The following PRKN variants were observed in gnomAD, a reference collection of about 807,000 sequenced individuals.
PRKN encodes the protein parkin RBR E3 ubiquitin protein ligase, also known as E3 ubiquitin-protein ligase parkin.
PRKN carries 56 observed loss-of-function variants against 59.5 expected under a neutral mutation model. The observed-to-expected ratio is 0.94, with a 90% confidence interval of 0.76 to 1.18. The LOEUF (loss-of-function observed/expected upper bound fraction) is 1.18. Among genes scored for constraint, PRKN ranks in the 50% most tolerant of loss-of-function variants. The pLI is 0.00. For synonymous variants in PRKN, 250 were observed against 222.1 expected, an observed-to-expected ratio of 1.13 and a Z score of -1.12; for missense variants, 657 against 596.4, an observed-to-expected ratio of 1.10 and a Z score of -1.06.
chr6:162,137,786 C>CCGATGGCTT lies in PRKN; in HGVS notation c.534+63336_534+63344dup, dbSNP rs1781609480. Among the ~76,000 whole-genome samples, 17 of 152,286 alleles carry CCGATGGCTT rather than the reference C, an allele frequency of 1.1e-4. No homozygotes were observed. The South Asian group carries it at 3.5e-3, about 32-fold the overall frequency. ...TGAATCCACTCATGAGGGCAGAGCC[C>CCGATGGCTT]CGATGGCTTATCGCCTCTTAAAGGT... On this transcript the variant is annotated intron_variant, in intron 4 of 11. Coordinates refer to ENST00000366898, the MANE Select transcript of PRKN (RefSeq NM_004562.3).
At chr6:162,277,784 G>C (rs1780700988) in intron 2 of PRKN, among the ~76,000 whole-genome samples, 1 of 152,104 alleles carries the variant, frequency 6.6e-6, no homozygotes, top group Non-Finnish European at 1.5e-5. Context: ...ACCAAATACT[G>C]GTGAGGACGT....
At chr6:162,006,779 A>G (rs1428695200) in intron 5 of PRKN, among the ~76,000 whole-genome samples, 1 of 152,138 alleles carries the variant, frequency 6.6e-6, no homozygotes, top group East Asian at 1.9e-4. Flanking sequence ...TTGCATGATG[A>G]CATCCCATAC....
chr6:161,482,266 T>G (rs1791438038), intron 9 of PRKN, among the ~76,000 whole-genome samples: 1 of 152,170 alleles, frequency 6.6e-6, no homozygotes, highest in Non-Finnish European at 1.5e-5. Flanking sequence ...CTTTAGGAAC[T>G]GTGTGGCAAA....
chr6:162,474,018 G>T (rs534972677), intron 1 of PRKN, among the ~76,000 whole-genome samples: 69 of 152,246 alleles, frequency 4.5e-4, no homozygotes, highest in African/African-American at 1.6e-3. Context: ...AATTTAATTA[G>T]AATGTAATTA....
chr6:162,246,257 A>G (rs2023067), intron 3 of PRKN, among the ~76,000 whole-genome samples: 152,026 of 152,082 alleles, frequency 1, 75,987 homozygotes, highest in Non-Finnish European at 1. Context: ...CTGTCCTTAT[A>G]GGAAGAGGAA....
chr6:161,389,365 G>T (rs1246254906), intron 9 of PRKN, among the ~76,000 whole-genome samples: 7 of 152,176 alleles, frequency 4.6e-5, no homozygotes. Flanking sequence ...TGCCACAATT[G>T]ATCTTCAAGC....
At chr6:161,375,271 G>T (rs139642705) in intron 10 of PRKN, among the ~76,000 whole-genome samples, 1 of 152,308 alleles carries the variant, frequency 6.6e-6, no homozygotes, top group Non-Finnish European at 1.5e-5. Flanking sequence ...GTGCTCTGCC[G>T]TGCTGGAGTG....
rs904793813 is a variant in PRKN at position 161,405,763 on chromosome 6, C to T, written c.1084-18886G>A. 3.3e-5 allele frequency among the ~76,000 whole-genome samples: 5 copies of T among 151,976 alleles called. No individual in the cohort carries two copies. Among genetic ancestry groups the T allele is most frequent in the Non-Finnish European group, 7.4e-5 (5 of 67,994 alleles). Reference sequence around the variant, plus strand: ...AGGCTCGTGTTCCAAGTCTCGTACCCGTTGGGCCATTTGAGAAGTGGCAAC... The same window carrying T: ...AGGCTCGTGTTCCAAGTCTCGTACCTGTTGGGCCATTTGAGAAGTGGCAAC... On this transcript the variant is annotated intron_variant, in intron 9 of 11. Coordinates refer to ENST00000366898, the MANE Select transcript of PRKN (RefSeq NM_004562.3). The surrounding 1 kb of genome is among the most constrained non-coding windows in gnomAD (Gnocchi z 5.1).
chr6:161,412,412 CCACT>C (rs1042518852), intron 9 of PRKN, among the ~76,000 whole-genome samples: 4 of 148,672 alleles, frequency 2.7e-5, no homozygotes, highest in Non-Finnish European at 3.0e-5. Flanking sequence ...ACGCATTCCT[CCACT>C]CACTCATTCC....
chr6:161,657,048 C>T (rs750012287), intron 7 of PRKN, among the ~76,000 whole-genome samples: 12 of 152,188 alleles, frequency 7.9e-5, no homozygotes, highest in Non-Finnish European at 1.5e-4. Context: ...GTCAACTTGA[C>T]ACTTCCACCT....
chr6:161,935,757 T>A (rs1461877067), intron 6 of PRKN, among the ~76,000 whole-genome samples: 1 of 152,072 alleles, frequency 6.6e-6, no homozygotes, highest in Non-Finnish European at 1.5e-5. Context: ...AATTGATAAC[T>A]CCTGTTTAGA....
At chr6:162,065,967 T>C (rs1582981023) in intron 4 of PRKN, among the ~76,000 whole-genome samples, 1 of 152,340 alleles carries the variant, frequency 6.6e-6, no homozygotes, top group African/African-American at 2.4e-5. Context: ...TTCCAGTCTA[T>C]CATTGATGGA....
chr6:162,520,044 G>A (rs1778023539), intron 1 of PRKN, among the ~76,000 whole-genome samples: 1 of 152,124 alleles, frequency 6.6e-6, no homozygotes, highest in South Asian at 2.1e-4. Flanking sequence ...GAGACCAGGA[G>A]TTTGAGACCA....
chr6:162,424,375 G>T (rs1273911640), intron 2 of PRKN, among the ~76,000 whole-genome samples: 1 of 152,122 alleles, frequency 6.6e-6, no homozygotes, highest in Admixed American at 6.6e-5. Flanking sequence ...CACCAAGAGT[G>T]AACCCTAATG....
At chr6:162,396,766 A>G (rs1473093564) in intron 2 of PRKN, among the ~76,000 whole-genome samples, 1 of 152,198 alleles carries the variant, frequency 6.6e-6, no homozygotes, top group Non-Finnish European at 1.5e-5. Context: ...ACACACACAC[A>G]CATTTATACA....
intron 7 of PRKN, among the ~76,000 whole-genome samples, chr6:161,643,046 T>C (rs1326703994): frequency 6.6e-6 from 1 of 152,228 alleles, no homozygotes; most frequent in Non-Finnish European, 1.5e-5. Flanking sequence ...GAAGTCAGAA[T>C]TGGTTTCGAG....
Position 161,377,056 on chromosome 6 carries a change from G to T in PRKN, c.1167+9738C>A, listed in dbSNP as rs538786685. On this transcript the variant is annotated intron_variant, in intron 10 of 11. Coordinates refer to ENST00000366898, the MANE Select transcript of PRKN (RefSeq NM_004562.3). This position sits in a 1 kb window ranked among gnomAD's most constrained non-coding sequence, Gnocchi z 4.2. ...CGGCATGCAAGCGCCCTGTCTCTGCGGCTGTGCACGCAGGCAGACCCTGTG... is the reference window on the plus strand; with the variant it reads ...CGGCATGCAAGCGCCCTGTCTCTGCTGCTGTGCACGCAGGCAGACCCTGTG... Among the ~76,000 whole-genome samples the T allele has an allele frequency of 1.3e-5, 2 of 152,240 alleles. No individual in the cohort carries two copies. The highest frequency in any genetic ancestry group is 2.9e-5 in the Non-Finnish European group (2 of 68,042).
chr6:162,242,233 T>A (rs1583254454), intron 3 of PRKN, among the ~76,000 whole-genome samples: 1 of 152,138 alleles, frequency 6.6e-6, no homozygotes, highest in South Asian at 2.1e-4. Context: ...CACTGTTGTA[T>A]GTGTGATTCC....
chr6:162,564,964 T>A (rs992491927), intron 1 of PRKN, among the ~76,000 whole-genome samples: 4 of 151,778 alleles, frequency 2.6e-5, no homozygotes, highest in Admixed American at 1.3e-4. Flanking sequence ...CCTAGAATAT[T>A]ATAACAGTGT....
Sources: gnomAD v4.1 joint callset for allele counts (sites outside exome capture counted in the v4.1 genomes callset) on GRCh38, gnomAD v4.1.1 for gene constraint, Gnocchi (gnomAD v3.1) non-coding constraint, MANE v1.5 for transcripts, NCBI Gene and HGNC (gene_info 2026-07-23, HGNC 2026-07-21) for gene names.